LINGO2: variants seen among roughly 807,000 people sequenced by gnomAD.
LINGO2 encodes the protein leucine-rich repeat and immunoglobulin-like domain-containing nogo receptor-interacting protein 2.
A neutral mutation model predicts 30.6 loss-of-function variants in LINGO2; 14 were observed. That is an observed-to-expected ratio of 0.46 (90% CI 0.30 to 0.72). LINGO2 has a LOEUF of 0.72. Ranked by LOEUF, LINGO2 falls within the 30% of genes least tolerant of loss-of-function variation. LINGO2 has a pLI of 0.07. For missense variants in LINGO2, 729 were observed against 751.7 expected (o/e 0.97, Z 0.35); for synonymous variants, 317 against 288.5 (o/e 1.10, Z -1.00).
intron 4 of LINGO2, among the ~76,000 whole-genome samples, chr9:28,227,022 G>T (rs1207071363): frequency 1.3e-5 from 2 of 152,010 alleles, no homozygotes; most frequent in African/African-American, 4.8e-5. Context: ...ATCAGTTTGT[G>T]GAAAATTTCT....
chr9:28,424,194 G>C (rs1823313790), intron 2 of LINGO2, among the ~76,000 whole-genome samples: 1 of 152,124 alleles, frequency 6.6e-6, no homozygotes, highest in Non-Finnish European at 1.5e-5. Flanking sequence ...TCATGAAGAG[G>C]AGGAATCTCT....
chr9:28,055,726 T>C (rs547257640), intron 4 of LINGO2, among the ~76,000 whole-genome samples: 22 of 152,294 alleles, frequency 1.4e-4, no homozygotes, highest in African/African-American at 5.3e-4. Flanking sequence ...CTTTAAAAGA[T>C]ATGTACTCAA....
chr9:27,973,756 T>G (rs373035865), intron 5 of LINGO2, among the ~76,000 whole-genome samples: 1 of 152,070 alleles, frequency 6.6e-6, no homozygotes, highest in African/African-American at 2.4e-5. Context: ...GTATTGCCAT[T>G]GCGAGAAAAA....
At chr9:28,227,021 T>C (rs1023127817) in intron 4 of LINGO2, among the ~76,000 whole-genome samples, 8 of 152,126 alleles carry the variant, frequency 5.3e-5, no homozygotes, top group African/African-American at 1.4e-4. Flanking sequence ...TATCAGTTTG[T>C]GGAAAATTTC....
At chr9:28,581,188 A>T (rs770534553) in intron 1 of LINGO2, among the ~76,000 whole-genome samples, 2 of 151,950 alleles carry the variant, frequency 1.3e-5, no homozygotes, top group Non-Finnish European at 2.9e-5. Context: ...AGTCCATCTA[A>T]TATATTCCTA....
chr9:28,893,904 C>A, the LINGO2 span, among the ~76,000 whole-genome samples: 18 of 150,960 alleles, frequency 1.2e-4, no homozygotes, highest in African/African-American at 4.1e-4. Context: ...CTCCCCCCTG[C>A]CCCCACCCCA....
chr9:28,832,581 T>C, the LINGO2 span, among the ~76,000 whole-genome samples: 1 of 152,158 alleles, frequency 6.6e-6, no homozygotes, highest in Non-Finnish European at 1.5e-5. Flanking sequence ...CCAGGAATTT[T>C]CCAGTGGCTC....
At chr9:28,401,362 C>T (rs914369452) in intron 2 of LINGO2, among the ~76,000 whole-genome samples, 2 of 152,068 alleles carry the variant, frequency 1.3e-5, no homozygotes, top group Admixed American at 1.3e-4. Context: ...GTTCAACTCC[C>T]ACTTATGAGT....
intron 1 of LINGO2, among the ~76,000 whole-genome samples, chr9:28,669,281 A>G (rs928723860): frequency 7.2e-5 from 11 of 152,104 alleles, no homozygotes; most frequent in Non-Finnish European, 1.2e-4. Flanking sequence ...GCTGAAAGCA[A>G]GCATATTCCC....
intron 3 of LINGO2, among the ~76,000 whole-genome samples, chr9:28,363,473 G>A (rs1246887218): frequency 6.6e-6 from 1 of 152,126 alleles, no homozygotes; most frequent in Non-Finnish European, 1.5e-5. Flanking sequence ...TTTGGCCCCT[G>A]ATAATAAGCC....
At chr9:29,162,512 A>G in the LINGO2 span, among the ~76,000 whole-genome samples, 1 of 152,174 alleles carries the variant, frequency 6.6e-6, no homozygotes, top group South Asian at 2.1e-4. Flanking sequence ...AGCACAGTAT[A>G]TGTTCATCAA....
the LINGO2 span, among the ~76,000 whole-genome samples, chr9:28,807,644 T>C: frequency 6.6e-6 from 1 of 152,144 alleles, no homozygotes. Context: ...TAAAAACAAA[T>C]AATTGAGAAT....
chr9:28,421,146 A>G lies in LINGO2; in HGVS notation c.-278-48278T>C, dbSNP rs533215060. Reference sequence around the variant, plus strand: ...CAAAGTTGTAGAACACAAAATTAACACAGTTGCATTTGTATACACTAAAAG... The same window carrying G: ...CAAAGTTGTAGAACACAAAATTAACGCAGTTGCATTTGTATACACTAAAAG... On this transcript the variant is annotated intron_variant, in intron 2 of 5. Transcript: ENST00000379992. Among the ~76,000 whole-genome samples the G allele has an allele frequency of 2.0e-5, 3 of 152,144 alleles. No individual in the cohort carries two copies. The South Asian group carries it at 6.2e-4, about 32-fold the overall frequency.
intron 1 of LINGO2, among the ~76,000 whole-genome samples, chr9:28,560,059 T>A (rs1223241376): frequency 6.7e-6 from 1 of 150,242 alleles, no homozygotes; most frequent in Non-Finnish European, 1.5e-5. Flanking sequence ...ATCTCCCAAG[T>A]TAAGCAGCTT....
At chr9:28,251,992 G>A (rs979731004) in intron 4 of LINGO2, among the ~76,000 whole-genome samples, 3 of 152,172 alleles carry the variant, frequency 2.0e-5, no homozygotes, top group Non-Finnish European at 2.9e-5. Flanking sequence ...GCTATGTGAC[G>A]TTGGCCAATT....
At chr9:28,481,085 GGGCAT>G (rs67074682) in intron 1 of LINGO2, among the ~76,000 whole-genome samples, 94,930 of 151,514 alleles carry the variant, frequency 0.63, 30,008 homozygotes, top group South Asian at 0.74. Context: ...GTTGGAGAAT[GGGCAT>G]GGAGCCCCAT....
At chr9:29,077,575 T>C in the LINGO2 span, among the ~76,000 whole-genome samples, 12 of 150,878 alleles carry the variant, frequency 8.0e-5, no homozygotes, top group East Asian at 1.9e-3. Flanking sequence ...TGAGCTTAAA[T>C]ATAAAACAAA....
At chr9:28,479,056 A>C (rs947179940) in intron 1 of LINGO2, among the ~76,000 whole-genome samples, 1 of 152,010 alleles carries the variant, frequency 6.6e-6, no homozygotes, top group East Asian at 1.9e-4. Flanking sequence ...TTTAATTGAT[A>C]AATTGATGAA....
exon 6 of LINGO2, chr9:27,949,834 G>A (rs368114584): frequency 5.6e-6 from 9 of 1,613,988 alleles, no homozygotes; most frequent in Non-Finnish European, 7.6e-6. Context: ...TTGTAGGAGA[G>A]GTTAAGGTGA....
Sources: allele counts gnomAD v4.1 joint callset (sites outside exome capture counted in the v4.1 genomes callset), GRCh38; gene constraint gnomAD v4.1.1; transcripts MANE v1.5; gene names NCBI Gene and HGNC (gene_info 2026-07-23, HGNC 2026-07-21).